The following NARF variants were observed in gnomAD, a reference collection of about 807,000 sequenced individuals.
NARF encodes the protein nuclear prelamin A recognition factor.
A neutral mutation model predicts 48.0 loss-of-function variants in NARF; 41 were observed. The observed-to-expected ratio is 0.85, with a 90% CI of 0.66 to 1.11. NARF has a LOEUF of 1.11. NARF is among the 50% of genes least tolerant of loss of function. The pLI, the probability that NARF is intolerant of heterozygous loss-of-function variation, is 0.00. For synonymous variants in NARF, 215 were observed against 225.5 expected, an observed-to-expected ratio of 0.95 and a Z score of 0.42; for missense variants, 613 against 590.2, an observed-to-expected ratio of 1.04 and a Z score of -0.40.
chr17:82,487,806 TA>T, intron 10 of NARF, 109 bp from the exon 11 acceptor site: 1 of 1,253,122 alleles, frequency 8.0e-7, no homozygotes, highest in Non-Finnish European at 1.1e-6. Context: ...ACAAAAAATT[TA>T]AAAATCAGCC....
chr17:82,485,298 A>G (rs549752574), intron 9 of NARF, among the ~76,000 whole-genome samples, 199 bp from the exon 10 acceptor site: 13 of 152,144 alleles, frequency 8.5e-5, no homozygotes, highest in African/African-American at 1.9e-4. Context: ...GTGAGCGCCT[A>G]TAGTCCCAGC....
chr17:82,461,421 G>A (rs778944828), intron 2 of NARF, among the ~76,000 whole-genome samples: 3 of 152,166 alleles, frequency 2.0e-5, no homozygotes, highest in African/African-American at 4.8e-5. Context: ...AGATCAGCCT[G>A]ACCAACATAG....
chr17:82,489,442 C>T lies in NARF; in HGVS notation c.*1285C>T, dbSNP rs142024246. On this transcript the variant is annotated 3_prime_UTR_variant, in exon 11 of 11. Transcript: ENST00000309794. ...AGAATGGAAAATTGAGAAGGCTGCC[C>T]GCACCAGCTGGGTGGGTGCAGGGGG... 3.7e-3 allele frequency: 561 copies of T among 152,662 alleles called. 2 individuals carry two copies. Among genetic ancestry groups the T allele is most frequent in the Non-Finnish European group, 5.9e-3 (401 of 68,260 alleles). The allele number at this position is 152,662 out of a possible 1,614,324, so 9.5% of individuals were successfully genotyped here. A position where few individuals can be genotyped will look rare whatever the true frequency, so the allele number is the denominator to read the frequency against.
At position 82,483,847 on chromosome 17, in the gene NARF, C is replaced by G; in HGVS notation, c.833+68C>G. ...TCTCGTCAGCCCTGCCAGCCACCTG[C>G]CAGGCCCAGGGCTGCCCTGCTTTAT... On this transcript the variant is annotated intron_variant, in intron 8 of 10. Coordinates refer to ENST00000309794, the MANE Select transcript of NARF (RefSeq NM_012336.4). 4 of 1,450,182 alleles carry G rather than the reference C, an allele frequency of 2.8e-6. No homozygotes were observed. The South Asian group carries it at 4.6e-5, about 17-fold the overall frequency. 89.8% of individuals were successfully genotyped at this position (1,450,182 alleles called of 1,614,324 possible).
chr17:82,478,682 A>G (rs771833916), intron 5 of NARF, 118 bp from the exon 6 acceptor site: 6 of 1,049,980 alleles, frequency 5.7e-6, no homozygotes, highest in African/African-American at 1.6e-5. Flanking sequence ...GGCCTGGGGA[A>G]AAGGTGTTCT....
chr17:82,462,122 G>A (rs971146446), intron 2 of NARF, among the ~76,000 whole-genome samples: 3 of 152,214 alleles, frequency 2.0e-5, no homozygotes, highest in African/African-American at 7.2e-5. Context: ...CCAGGACTGT[G>A]GTGAGGATGA....
At position 82,472,594 on chromosome 17, in the gene NARF, C is replaced by T. The variant is rs1174965346; in HGVS notation, c.416C>T (p.Ala139Val). 1.5e-5 allele frequency: 24 copies of T among 1,613,474 alleles called. No individual in the cohort carries two copies. The highest frequency in any genetic ancestry group is 1.9e-5 in the Non-Finnish European group (23 of 1,179,756). ...CACTATGTATTTGATACGACGATAGCTGCGGATTTTAGTATCCTGGAGAGT... is the reference window on the plus strand; with the variant it reads ...CACTATGTATTTGATACGACGATAGTTGCGGATTTTAGTATCCTGGAGAGT... ...GVHYVFDTTI[A>V]ADFSILESQK... Residue 139 changes from alanine to valine, a missense_variant, in exon 5 of 11, where the codon GCT becomes GTT. Coordinates refer to ENST00000309794, the MANE Select transcript of NARF (RefSeq NM_012336.4).
intron 6 of NARF, 22 bp downstream of exon 6, chr17:82,478,940 G>T (rs758941989): frequency 1.9e-6 from 3 of 1,601,024 alleles, no homozygotes; most frequent in South Asian, 1.1e-5. Flanking sequence ...TCTCTGGAGG[G>T]CAGGAAGGGC....
intron 1 of NARF, chr17:82,459,194 C>T (rs902388646): frequency 2.3e-5 from 24 of 1,055,458 alleles, no homozygotes; most frequent in African/African-American, 8.4e-5. Flanking sequence ...GAACCTGCCC[C>T]TCTGAGGGTC....
At chr17:82,480,537 G>A in intron 6 of NARF, 1 of 404,658 alleles carries the variant, frequency 2.5e-6, no homozygotes, top group Non-Finnish European at 4.4e-6. Context: ...ATGGAGTGCT[G>A]GTGCTCGGTA....
intron 4 of NARF, among the ~76,000 whole-genome samples, chr17:82,469,152 A>G (rs1001814949): frequency 3.9e-5 from 6 of 152,176 alleles, no homozygotes; most frequent in African/African-American, 1.4e-4. Context: ...TCTGGGACCA[A>G]ACAGTGACCA....
chr17:82,466,352 C>T (rs1224327115), intron 3 of NARF, among the ~76,000 whole-genome samples: 5 of 152,066 alleles, frequency 3.3e-5, no homozygotes, highest in South Asian at 2.1e-4. Flanking sequence ...AAGTTGGTTA[C>T]CCTAGATGAT....
Position 82,472,614 on chromosome 17 carries a change from G to C in NARF, c.436G>C (p.Glu146Gln). ...TTIAADFSIL[E>Q]SQKEFVRRYR... The stretch of plus-strand genomic sequence containing the variant: ...GATAGCTGCGGATTTTAGTATCCTG[G>C]AGAGTCAAAAAGAATTCGTGCGTCG... The change falls in exon 5 of 11, where the codon GAG becomes CAG. Residue 146 changes from glutamate to glutamine, a missense_variant. Coordinates refer to ENST00000309794, the MANE Select transcript of NARF (RefSeq NM_012336.4). The C allele has an allele frequency of 6.2e-7, 1 of 1,613,806 alleles. No individual in the cohort carries two copies. The highest frequency in any genetic ancestry group is 8.5e-7 in the Non-Finnish European group (1 of 1,179,892).
Position 82,458,797 on chromosome 17 carries a change from G to A in NARF, c.-7G>A, listed in dbSNP as rs769105996. ...AGGCGCCCGGCCTCCCGCCCGCCGC[G>A]CTCCAGATGAAGTGTGAGCACTGCA... On this transcript the variant is annotated 5_prime_UTR_variant, in exon 1 of 11. Coordinates refer to ENST00000309794, the MANE Select transcript of NARF (RefSeq NM_012336.4). The A allele has an allele frequency of 2.7e-6, 4 of 1,461,584 alleles. No individual in the cohort carries two copies. The East Asian group carries it at 8.2e-5, about 30-fold the overall frequency. 90.5% of individuals were successfully genotyped at this position (1,461,584 alleles called of 1,614,324 possible).
chr17:82,458,999 C>A (rs2043359124), intron 1 of NARF, 169 bp downstream of exon 1: 2 of 1,211,994 alleles, frequency 1.7e-6, no homozygotes, highest in Admixed American at 4.4e-5. Flanking sequence ...GGCGCGGGGT[C>A]CGCTGCGCTC....
chr17:82,479,174 C>T (rs535515038), intron 6 of NARF: 14 of 330,848 alleles, frequency 4.2e-5, no homozygotes, highest in African/African-American at 1.3e-4. Context: ...TGGGCCCATT[C>T]GGGGTAGAGT....
At chr17:82,473,133 G>C (rs2043753292) in intron 5 of NARF, among the ~76,000 whole-genome samples, 1 of 151,886 alleles carries the variant, frequency 6.6e-6, no homozygotes, top group African/African-American at 2.4e-5. Context: ...TGGAGATGGG[G>C]TTTTGCCATA....
intron 7 of NARF, 65 bp downstream of exon 7, chr17:82,481,276 A>G: frequency 3.1e-6 from 5 of 1,595,392 alleles, no homozygotes; most frequent in Non-Finnish European, 4.3e-6. Context: ...TACACACCAG[A>G]GCCAGGCAGA....
Position 82,458,838 on chromosome 17 carries a change from C to T in NARF, c.27+8C>T, listed in dbSNP as rs2043353560. On this transcript the variant is annotated splice_region_variant and intron_variant, in intron 1 of 10. Transcript: ENST00000309794. ...GAGCACTGCACGCGCAAGGTGAGCGCCGCGGGCCGGGGAGGCGCGCGCCTG... is the reference window on the plus strand; with the variant it reads ...GAGCACTGCACGCGCAAGGTGAGCGTCGCGGGCCGGGGAGGCGCGCGCCTG... 1 of 1,404,976 alleles carries T rather than the reference C, an allele frequency of 7.1e-7. No individual in the cohort carries two copies. Among genetic ancestry groups the T allele is most frequent in the East Asian group, 2.8e-5 (1 of 35,752 alleles). The allele number at this position is 1,404,976 out of a possible 1,614,324, so 87.0% of individuals were successfully genotyped here.
Sources: gnomAD v4.1 joint callset for allele counts (sites outside exome capture counted in the v4.1 genomes callset) on GRCh38, gnomAD v4.1.1 for gene constraint, MANE v1.5 for transcripts, NCBI Gene and HGNC (gene_info 2026-07-23, HGNC 2026-07-21) for gene names.